Variants in MTREX observed in about 807,000 individuals in gnomAD.
The protein encoded by MTREX is exosome RNA helicase MTR4.
MTREX carries 76 observed loss-of-function variants against 135.4 expected under a neutral mutation model. The ratio of observed to expected loss-of-function variants is 0.56; its 90% CI spans 0.47 to 0.68. The LOEUF is 0.68. Ranked by LOEUF, MTREX falls within the 30% of genes least tolerant of loss-of-function variation. The pLI, the probability that MTREX is intolerant of heterozygous loss-of-function variation, is 0.00. For synonymous variants in MTREX, 404 were observed against 401.6 expected (o/e 1.01, Z -0.07); for missense variants, 920 against 1,262.1 (o/e 0.73, Z 4.11).
chr5:55,415,141 GT>G (rs2111621284), intron 24 of MTREX, among the ~76,000 whole-genome samples: 1 of 151,990 alleles, frequency 6.6e-6, no homozygotes, highest in African/African-American at 2.4e-5. Context: ...AAAAAAATGT[GT>G]CATAAAAGGG....
intron 16 of MTREX, 113 bp from the exon 17 acceptor site, chr5:55,378,201 A>G (rs537860306): frequency 7.9e-7 from 1 of 1,265,728 alleles, no homozygotes; most frequent in Admixed American, 3.3e-5. Context: ...GTGGAAGGTA[A>G]ACAAAAACCG....
At chr5:55,316,136 A>C (rs777841418) in intron 1 of MTREX, among the ~76,000 whole-genome samples, 12 of 152,320 alleles carry the variant, frequency 7.9e-5, no homozygotes, top group Middle Eastern at 6.8e-3. Flanking sequence ...AAATTAAATC[A>C]GTAATAAATA....
chr5:55,310,556 C>T (rs1006548249), intron 1 of MTREX, among the ~76,000 whole-genome samples: 2 of 151,698 alleles, frequency 1.3e-5, no homozygotes, highest in African/African-American at 2.4e-5. Context: ...TGCAGTGAGC[C>T]GAGACTGTGC....
chr5:55,308,240 G>A (rs771959345), intron 1 of MTREX, 93 bp downstream of exon 1: 328 of 1,432,766 alleles, frequency 2.3e-4, no homozygotes, highest in Non-Finnish European at 2.8e-4. Flanking sequence ...AGAAAGTGAA[G>A]TGTACATTGA....
At chr5:55,311,068 C>G (rs1461909459) in intron 1 of MTREX, among the ~76,000 whole-genome samples, 1 of 152,166 alleles carries the variant, frequency 6.6e-6, no homozygotes, top group African/African-American at 2.4e-5. Flanking sequence ...AGATGTGAGC[C>G]ACTGTGCACA....
At chr5:55,324,405 G>C (rs1487215086) in intron 3 of MTREX, 1 of 198,774 alleles carries the variant, frequency 5.0e-6, no homozygotes, top group African/African-American at 2.9e-5. Context: ...TATAATCTTG[G>C]GTAAATTTCT....
chr5:55,313,248 G>A (rs544075176), intron 1 of MTREX, among the ~76,000 whole-genome samples: 1 of 148,906 alleles, frequency 6.7e-6, no homozygotes, highest in African/African-American at 2.5e-5. Context: ...ACCAGCTTGG[G>A]CAACGTGGTG....
intron 5 of MTREX, among the ~76,000 whole-genome samples, chr5:55,337,134 CTT>C (rs1391726748): frequency 6.6e-6 from 1 of 151,412 alleles, no homozygotes; most frequent in Admixed American, 6.6e-5. Flanking sequence ...TTCTTTTTTT[CTT>C]TTATGAGACA....
Position 55,389,844 on chromosome 5 carries a change from A to G in MTREX, c.2181+1742A>G, listed in dbSNP as rs188951214. ...ATTATATATATTTACATATAATTATATATGTTTTATAAATATATTGTTTGC... is the reference window on the plus strand; with the variant it reads ...ATTATATATATTTACATATAATTATGTATGTTTTATAAATATATTGTTTGC... On this transcript the variant is annotated intron_variant, in intron 19 of 26. Coordinates refer to ENST00000230640, the MANE Select transcript of MTREX (RefSeq NM_015360.5). Among the ~76,000 whole-genome samples, 31 of 152,074 alleles carry G rather than the reference A, an allele frequency of 2.0e-4. No homozygotes were observed. In the East Asian group the frequency reaches 3.1e-3, roughly 15 times the overall value.
intron 25 of MTREX, among the ~76,000 whole-genome samples, chr5:55,416,689 AAAAT>A (rs907818625): frequency 6.6e-6 from 1 of 152,216 alleles, no homozygotes; most frequent in African/African-American, 2.4e-5. Flanking sequence ...AAGAAGCAAA[AAAAT>A]AAGTAGACTG....
At chr5:55,378,708 A>C (rs1452645821) in intron 17 of MTREX, among the ~76,000 whole-genome samples, 1 of 152,146 alleles carries the variant, frequency 6.6e-6, no homozygotes, top group African/African-American at 2.4e-5. Flanking sequence ...CTATAAATTG[A>C]AGTAGATAGT....
chr5:55,384,566 T>A (rs1750449098), intron 18 of MTREX, among the ~76,000 whole-genome samples: 1 of 152,254 alleles, frequency 6.6e-6, no homozygotes, highest in Non-Finnish European at 1.5e-5. Flanking sequence ...ATAACTTTCC[T>A]GTTTCTTTGC....
At chr5:55,386,762 G>T (rs189156523) in intron 18 of MTREX, among the ~76,000 whole-genome samples, 1 of 152,164 alleles carries the variant, frequency 6.6e-6, no homozygotes, top group Non-Finnish European at 1.5e-5. Context: ...TACGCCTGTG[G>T]GGTTTTTTTG....
chr5:55,397,395 T>C, intron 19 of MTREX, 21 bp from the exon 20 acceptor site: 1 of 1,501,854 alleles, frequency 6.7e-7, no homozygotes, highest in Non-Finnish European at 9.2e-7. Flanking sequence ...ACTGTAATAC[T>C]GTATAACTTT....
chr5:55,361,736 G>A (rs1219192029), intron 15 of MTREX, among the ~76,000 whole-genome samples: 1 of 151,258 alleles, frequency 6.6e-6, no homozygotes, highest in Non-Finnish European at 1.5e-5. Flanking sequence ...GGGATTACAG[G>A]CGTGAGCCAC....
At chr5:55,384,774 G>A (rs1750451573) in intron 18 of MTREX, among the ~76,000 whole-genome samples, 1 of 152,086 alleles carries the variant, frequency 6.6e-6, no homozygotes, top group Non-Finnish European at 1.5e-5. Context: ...GGTAGAGTTG[G>A]GGGTCACAGC....
chr5:55,374,255 A>C (rs1750255969), intron 16 of MTREX, among the ~76,000 whole-genome samples: 1 of 139,596 alleles, frequency 7.2e-6, no homozygotes, highest in African/African-American at 2.7e-5. Flanking sequence ...AGACTGTCTC[A>C]AAAAACATTT....
intron 19 of MTREX, among the ~76,000 whole-genome samples, chr5:55,394,982 G>A (rs1750625236): frequency 6.6e-6 from 1 of 151,322 alleles, no homozygotes; most frequent in Non-Finnish European, 1.5e-5. Context: ...GCAGTGAACC[G>A]AGATCGCACC....
At position 55,345,182 on chromosome 5, in the gene MTREX, A is replaced by G; in HGVS notation, c.1094A>G (p.Lys365Arg). The G allele has an allele frequency of 6.2e-7, 1 of 1,609,064 alleles. No homozygotes were observed. Among genetic ancestry groups the G allele is most frequent in the Non-Finnish European group, 8.5e-7 (1 of 1,175,780 alleles). Residue 365 changes from lysine to arginine, a missense_variant, in exon 10 of 27, where the codon AAA becomes AGA. Around this residue, in one of 6 missense-constraint regions of MTREX, gnomAD observed 101 missense variants for 119.1 expected, o/e 0.85. Transcript: ENST00000230640. Reference sequence around the variant, plus strand: ...GCCAAAGGAGACCAGAAAGGGCGGAAAGGAGGAACAAAAGGTAATTTGGAA... The same window carrying G: ...GCCAAAGGAGACCAGAAAGGGCGGAGAGGAGGAACAAAAGGTAATTTGGAA... ...DLAKGDQKGR[K>R]GGTKGPSNVF...
Sources: gnomAD v4.1 joint callset for allele counts (sites outside exome capture counted in the v4.1 genomes callset) on GRCh38, gnomAD v4.1.1 for gene constraint, gnomAD v4.1.1 regional missense constraint, MANE v1.5 for transcripts, NCBI Gene and HGNC (gene_info 2026-07-23, HGNC 2026-07-21) for gene names.